Variants in SGCZ observed in about 807,000 individuals in gnomAD.
The protein encoded by SGCZ is sarcoglycan zeta.
SGCZ carries 40 observed loss-of-function variants against 41.3 expected under a neutral mutation model. The observed-to-expected ratio is 0.97, with a 90% CI of 0.75 to 1.26. The LOEUF is 1.26. SGCZ is among the 50% of genes most tolerant of loss of function. The probability of loss-of-function intolerance (pLI) is 0.00; values close to 1 mark genes in which losing one functional copy is unlikely to be tolerated. For synonymous variants in SGCZ, 206 were observed against 137.5 expected (o/e 1.50, Z -3.49); for missense variants, 552 against 369.8 (o/e 1.49, Z -4.04).
chr8:14,943,337 G>A (rs572449780), intron 1 of SGCZ, among the ~76,000 whole-genome samples: 12 of 152,092 alleles, frequency 7.9e-5, no homozygotes, highest in South Asian at 2.1e-4. Context: ...GAAACACTTC[G>A]GTTGCTCCAA....
chr8:14,479,744 T>TTC (rs1563356583), intron 2 of SGCZ, among the ~76,000 whole-genome samples: 15 of 87,906 alleles, frequency 1.7e-4, no homozygotes, highest in South Asian at 1.5e-3. Context: ...TTTTTTTTTT[T>TTC]TTTTTTTTTT....
chr8:14,300,418 GA>G (rs2116969906), intron 3 of SGCZ, among the ~76,000 whole-genome samples: 1 of 151,658 alleles, frequency 6.6e-6, no homozygotes, highest in South Asian at 2.1e-4. Context: ...TAGGTAAAGA[GA>G]GGTAAATAAA....
At chr8:14,675,176 G>A (rs972960037) in intron 1 of SGCZ, among the ~76,000 whole-genome samples, 41 of 151,696 alleles carry the variant, frequency 2.7e-4, no homozygotes, top group African/African-American at 8.5e-4. Flanking sequence ...TCCTGATCTC[G>A]TGATCTGCCC....
chr8:14,792,437 C>T (rs1258645426), intron 1 of SGCZ, among the ~76,000 whole-genome samples: 1 of 152,148 alleles, frequency 6.6e-6, no homozygotes, highest in Non-Finnish European at 1.5e-5. Flanking sequence ...CTATTCAACT[C>T]TTTCCATTCA....
intron 4 of SGCZ, among the ~76,000 whole-genome samples, chr8:14,210,786 T>A (rs186879882): frequency 1.1e-3 from 161 of 152,254 alleles, no homozygotes; most frequent in African/African-American, 3.7e-3. Flanking sequence ...CTAATTTATT[T>A]AAAAAAATAT....
chr8:14,754,187 T>C (rs973529631), intron 1 of SGCZ, among the ~76,000 whole-genome samples: 2 of 152,138 alleles, frequency 1.3e-5, no homozygotes, highest in African/African-American at 4.8e-5. Flanking sequence ...AGGCCAATGG[T>C]TTAAATCTGA....
chr8:14,936,723 T>A (rs1213051851), intron 1 of SGCZ, among the ~76,000 whole-genome samples: 1 of 151,962 alleles, frequency 6.6e-6, no homozygotes, highest in African/African-American at 2.4e-5. Flanking sequence ...ACCACATTAC[T>A]TGGCTTTAAA....
intron 2 of SGCZ, among the ~76,000 whole-genome samples, chr8:14,347,673 A>G: frequency 6.6e-6 from 1 of 151,752 alleles, no homozygotes; most frequent in East Asian, 1.9e-4. Context: ...AAATAAAATT[A>G]TTTTCATCAA....
intron 4 of SGCZ, among the ~76,000 whole-genome samples, chr8:14,184,773 C>T (rs1379994806): frequency 1.3e-5 from 2 of 152,108 alleles, no homozygotes; most frequent in African/African-American, 4.8e-5. Context: ...CATATGTGGG[C>T]TTAATCTTTC....
chr8:14,961,688 G>A (rs572766844), intron 1 of SGCZ, among the ~76,000 whole-genome samples: 66 of 152,222 alleles, frequency 4.3e-4, no homozygotes, highest in Non-Finnish European at 7.9e-4. Flanking sequence ...GTCTTGGAAT[G>A]TATTCCTGAT....
chr8:14,099,703 C>A (rs369770843), intron 7 of SGCZ, among the ~76,000 whole-genome samples: 7 of 151,914 alleles, frequency 4.6e-5, no homozygotes, highest in Non-Finnish European at 1.0e-4. Flanking sequence ...CCATCCTGGG[C>A]GACAAGAGCG....
chr8:14,800,679 T>A (rs576908545), intron 1 of SGCZ, among the ~76,000 whole-genome samples: 1 of 152,300 alleles, frequency 6.6e-6, no homozygotes, highest in East Asian at 1.9e-4. Flanking sequence ...CGTGCTTTGC[T>A]TCCCTTTCCC....
chr8:14,882,226 T>C (rs946738619), intron 1 of SGCZ, among the ~76,000 whole-genome samples: 6 of 152,196 alleles, frequency 3.9e-5, no homozygotes, highest in Non-Finnish European at 5.9e-5. Context: ...CTGGGGATTA[T>C]CTGCTCACAA....
chr8:15,035,832 T>A (rs139495585), intron 1 of SGCZ, among the ~76,000 whole-genome samples: 1 of 152,188 alleles, frequency 6.6e-6, no homozygotes, highest in Non-Finnish European at 1.5e-5. Context: ...CCTAAATATA[T>A]CAAGCAAATA....
chr8:14,091,273 T>C (rs990931271), intron 7 of SGCZ, among the ~76,000 whole-genome samples: 2 of 151,892 alleles, frequency 1.3e-5, no homozygotes, highest in African/African-American at 4.8e-5. Context: ...TCCCTGCTAT[T>C]GTGAAGAGTG....
intron 2 of SGCZ, among the ~76,000 whole-genome samples, chr8:14,541,839 T>C (rs1437267185): frequency 6.6e-6 from 1 of 152,164 alleles, no homozygotes; most frequent in Non-Finnish European, 1.5e-5. Flanking sequence ...TGGCATGAGA[T>C]GGTATCTCAT....
In SGCZ at chr8:15,220,744, C is replaced by T. The variant is rs1393142966; in HGVS notation, c.39+16841G>A. 2.0e-5 allele frequency among the ~76,000 whole-genome samples: 3 copies of T among 152,062 alleles called. No individual in the cohort carries two copies. The East Asian group carries it at 5.8e-4, about 29-fold the overall frequency. On this transcript the variant is annotated intron_variant, in intron 1 of 7. Coordinates refer to ENST00000382080, the MANE Select transcript of SGCZ (RefSeq NM_139167.4). ...TTTATTGCAGCACTATTTACAATAG[C>T]AAAGATTTGGAACCAACCCAAATGT...
intron 3 of SGCZ, among the ~76,000 whole-genome samples, chr8:14,273,662 A>C (rs1386945602): frequency 6.6e-6 from 1 of 152,174 alleles, no homozygotes; most frequent in Non-Finnish European, 1.5e-5. Flanking sequence ...GTCTGGGATA[A>C]CATACATTTA....
At chr8:14,138,753 C>A (rs1410148636) in intron 5 of SGCZ, among the ~76,000 whole-genome samples, 1 of 152,146 alleles carries the variant, frequency 6.6e-6, no homozygotes, top group Non-Finnish European at 1.5e-5. Context: ...GAGATTTTAA[C>A]ACCCCACTGT....
Sources: gnomAD v4.1 joint callset for allele counts (sites outside exome capture counted in the v4.1 genomes callset) on GRCh38, gnomAD v4.1.1 for gene constraint, MANE v1.5 for transcripts, NCBI Gene and HGNC (gene_info 2026-07-23, HGNC 2026-07-21) for gene names.